The following DONSON variants were observed in gnomAD, a reference collection of about 807,000 sequenced individuals.
The protein encoded by DONSON is DNA replication fork stabilization factor DONSON.
DONSON carries 43 observed loss-of-function variants against 62.1 expected under a neutral mutation model. The observed-to-expected ratio is 0.69, with a 90% CI of 0.54 to 0.89. DONSON has a LOEUF of 0.89. Among genes scored for constraint, DONSON ranks in the 40% least tolerant of loss-of-function variants. The pLI is 0.00. For synonymous variants in DONSON, 266 were observed against 264.6 expected (o/e 1.01, Z -0.05); for missense variants, 696 against 697.5 (o/e 1.00, Z 0.03).
chr21:33,581,142 T>C lies in DONSON; in HGVS notation c.1350+160A>G, dbSNP rs1467783402. On this transcript the variant is annotated intron_variant, in intron 8 of 9. Coordinates refer to ENST00000303071, the MANE Select transcript of DONSON (RefSeq NM_017613.4). ...ATATTTCCACATAATTTCTTTGATA[T>C]AACTGTCTTATATAATTTTTGTTTC... 14 of 605,496 alleles carry C rather than the reference T, an allele frequency of 2.3e-5. 1 individual carries two copies. In the South Asian group the frequency reaches 3.2e-4, roughly 14 times the overall value. 37.5% of individuals were successfully genotyped at this position (605,496 alleles called of 1,614,324 possible). A position where few individuals can be genotyped will look rare whatever the true frequency, so the allele number is the denominator to read the frequency against.
At chr21:33,586,900 A>C (rs989212853) in intron 2 of DONSON, among the ~76,000 whole-genome samples, 1 of 152,124 alleles carries the variant, frequency 6.6e-6, no homozygotes, top group African/African-American at 2.4e-5. Flanking sequence ...TCAGCCTCTC[A>C]AAGTGTTGGG....
rs1212109442 is a variant in DONSON, at chr21:33,584,113, C to T, written c.786-447G>A. 1.2e-4 allele frequency among the ~76,000 whole-genome samples: 17 copies of T among 147,042 alleles called. No homozygotes were observed. The South Asian group carries it at 3.0e-3, about 26-fold the overall frequency. ...AGGCTGGAGTGCAGTGGCGCGATCT[C>T]GGCTCACTGCAAGCTCTGCCTCCCA... is the stretch of plus-strand genomic sequence containing the variant. On this transcript the variant is annotated intron_variant, in intron 4 of 9. Coordinates refer to ENST00000303071, the MANE Select transcript of DONSON (RefSeq NM_017613.4).
Position 33,586,858 on chromosome 21 carries a change from G to A in DONSON, c.402+664C>T, listed in dbSNP as rs572149780. 2.6e-5 allele frequency among the ~76,000 whole-genome samples: 4 copies of A among 151,930 alleles called. No homozygotes were observed. In the South Asian group the frequency reaches 6.2e-4, roughly 24 times the overall value. On this transcript the variant is annotated intron_variant, in intron 2 of 9. Coordinates refer to ENST00000303071, the MANE Select transcript of DONSON (RefSeq NM_017613.4). Reference sequence around the variant, plus strand: ...TCGTCATATTGGCCAGGCTGTTCGCGAACTCCTGACCTCAGGTGTGATCCG... The same window carrying A: ...TCGTCATATTGGCCAGGCTGTTCGCAAACTCCTGACCTCAGGTGTGATCCG...
Position 33,582,711 on chromosome 21 carries a change from C to T in DONSON, c.965-465G>A, listed in dbSNP as rs117955227. 7.2e-4 allele frequency among the ~76,000 whole-genome samples: 110 copies of T among 152,316 alleles called. 2 individuals carry two copies. In the East Asian group the frequency reaches 0.02, roughly 28 times the overall value. ...AGTTTAAATCAGGAGTCCCCAACCC[C>T]TGGACTGTGGACTGGTACTGGCCTG... On this transcript the variant is annotated intron_variant, in intron 5 of 9. Transcript: ENST00000303071.
intron 8 of DONSON, among the ~76,000 whole-genome samples, chr21:33,579,795 ATT>A: frequency 6.6e-6 from 1 of 152,264 alleles, no homozygotes; most frequent in East Asian, 1.9e-4. Context: ...AGAGAATACC[ATT>A]TTTTCATATA....
At position 33,578,156 on chromosome 21, in the gene DONSON, A is replaced by T; in HGVS notation, c.*151T>A. 2.5e-6 allele frequency: 2 copies of T among 785,014 alleles called. No individual in the cohort carries two copies. The highest frequency in any genetic ancestry group is 3.2e-5 in the Admixed American group (1 of 31,072). The allele number at this position is 785,014 out of a possible 1,614,324, so 48.6% of individuals were successfully genotyped here. A position where few individuals can be genotyped will look rare whatever the true frequency, so the allele number is the denominator to read the frequency against. On this transcript the variant is annotated 3_prime_UTR_variant, in exon 10 of 10. Coordinates refer to ENST00000303071, the MANE Select transcript of DONSON (RefSeq NM_017613.4). ...TTTATATCTAAAAATCTAATCTGAA[A>T]ATAGTAAAACACATTTAAAACCTTA... is the stretch of plus-strand genomic sequence containing the variant.
At chr21:33,579,312 C>T in intron 9 of DONSON, 38 bp downstream of exon 9, 1 of 1,440,768 alleles carries the variant, frequency 6.9e-7, no homozygotes, top group Non-Finnish European at 9.3e-7. Flanking sequence ...TTTGAGGAAA[C>T]TACAACTAAA....
At chr21:33,586,745 G>A (rs151195190) in intron 2 of DONSON, among the ~76,000 whole-genome samples, 38 of 151,854 alleles carry the variant, frequency 2.5e-4, no homozygotes, top group Non-Finnish European at 4.7e-4. Context: ...AGCGATTCTC[G>A]TGCCTCGTCC....
intron 7 of DONSON, 79 bp from the exon 8 acceptor site, chr21:33,581,579 T>C (rs1334599596): frequency 5.9e-5 from 69 of 1,165,762 alleles, no homozygotes; most frequent in Admixed American, 2.1e-5. Context: ...CTGAATCACC[T>C]GAGACTCCTT....
At position 33,584,819 on chromosome 21, in the gene DONSON, A is replaced by C. The variant is rs111603233; in HGVS notation, c.607-51T>G. On this transcript the variant is annotated intron_variant, in intron 3 of 9. Coordinates refer to ENST00000303071, the MANE Select transcript of DONSON (RefSeq NM_017613.4). ...AGTTTTTGCCCATTGAGAAATAGAG[A>C]ATTTTATTAAAGACAATCTTTACCA... 1,638 of 1,381,246 alleles carry C rather than the reference A, an allele frequency of 1.2e-3. 23 individuals are homozygous for C. In the African/African-American group the frequency reaches 0.021, roughly 18 times the overall value. 85.6% of individuals were successfully genotyped at this position (1,381,246 alleles called of 1,614,324 possible). A position where few individuals can be genotyped will look rare whatever the true frequency, so the allele number is the denominator to read the frequency against.
chr21:33,585,796 A>T (rs1244874037), intron 3 of DONSON, among the ~76,000 whole-genome samples, 182 bp downstream of exon 3: 4 of 144,076 alleles, frequency 2.8e-5, no homozygotes, highest in African/African-American at 7.5e-5. Flanking sequence ...AATCTGACTT[A>T]AAAAAAAAAA....
chr21:33,584,864 C>A (rs2086560341), intron 3 of DONSON, 96 bp from the exon 4 acceptor site: 2 of 1,007,990 alleles, frequency 2.0e-6, no homozygotes, highest in African/African-American at 1.6e-5. Flanking sequence ...GTCTAAGAAT[C>A]TTTATTGCTT....
chr21:33,581,395 CTTAGAG>C lies in DONSON; in HGVS notation c.1251_1256del (p.Asn417_Ser418del), dbSNP rs1135401961. 1.2e-5 allele frequency: 19 copies of C among 1,613,992 alleles called. No homozygotes were observed. The highest frequency in any genetic ancestry group is 2.2e-5 in the East Asian group (1 of 44,880). On this transcript the variant is annotated inframe_deletion, in exon 8 of 10. Coordinates refer to ENST00000303071, the MANE Select transcript of DONSON (RefSeq NM_017613.4). ...GTGGACCTGAGGTAGCAACTAAACT[CTTAGAG>C]TTAATCAAAAAATTGAGCAATGTAA...
chr21:33,583,200 C>CAAAA lies in DONSON; in HGVS notation c.964+284_964+287dup, dbSNP rs552034893. 1.3e-3 allele frequency among the ~76,000 whole-genome samples: 77 copies of CAAAA among 58,898 alleles called. 6 individuals are homozygous for CAAAA. Among genetic ancestry groups the CAAAA allele is most frequent in the South Asian group, 3.1e-3 (5 of 1,598 alleles). The allele number at this position is 58,898 out of a possible 152,430, so 38.6% of individuals were successfully genotyped here. ...TGGGTGACAGAGCGAGTCTCCATCT[C>CAAAA]AAAAAAAAAAAAAAAAAAAAAAAAA... On this transcript the variant is annotated intron_variant, in intron 5 of 9. Transcript: ENST00000303071.
intron 1 of DONSON, 116 bp downstream of exon 1, chr21:33,588,204 GA>G: frequency 1.1e-6 from 1 of 885,828 alleles, no homozygotes; most frequent in East Asian, 3.5e-5. Context: ...ACGGGCGGCC[GA>G]AGTCTTCGCG....
Position 33,581,303 on chromosome 21 carries a change from T to C in DONSON, c.1349A>G (p.Lys450Arg), listed in dbSNP as rs1437544261. Reference sequence around the variant, plus strand: ...CTAGGTTATGCAGACTTTTATTACCTTAAGCATTTGCATTGTGGCACCTCG... The same window carrying C: ...CTAGGTTATGCAGACTTTTATTACCCTAAGCATTTGCATTGTGGCACCTCG... ...AFRGATMQML[K>R]ARSVNVKTQA... Residue 450 changes from lysine (K) to arginine (R), a missense_variant and splice_region_variant, in exon 8 of 10, where the codon AAG becomes AGG. Transcript: ENST00000303071. 6.2e-7 allele frequency: 1 copy of C among 1,613,934 alleles called. No individual in the cohort carries two copies. Among genetic ancestry groups the C allele is most frequent in the Admixed American group, 1.7e-5 (1 of 59,992 alleles).
intron 8 of DONSON, among the ~76,000 whole-genome samples, chr21:33,580,244 A>AT (rs2086490241): frequency 1.4e-5 from 1 of 72,364 alleles, no homozygotes; most frequent in Non-Finnish European, 3.3e-5. Context: ...AGATAGATGA[A>AT]TGAATGAATG....
At chr21:33,581,280 A>C in intron 8 of DONSON, 22 bp downstream of exon 8, 1 of 1,607,244 alleles carries the variant, frequency 6.2e-7, no homozygotes, top group East Asian at 2.2e-5. Context: ...CTTAAAAGCT[A>C]GGTTATGCAG....
intron 8 of DONSON, among the ~76,000 whole-genome samples, chr21:33,580,348 G>A (rs1346868145): frequency 6.7e-6 from 1 of 148,246 alleles, no homozygotes; most frequent in Non-Finnish European, 1.5e-5. Context: ...GAGGTCAGGA[G>A]TTCGAGACCA....
Sources: gnomAD v4.1 joint callset for allele counts (sites outside exome capture counted in the v4.1 genomes callset) on GRCh38, gnomAD v4.1.1 for gene constraint, MANE v1.5 for transcripts, NCBI Gene and HGNC (gene_info 2026-07-23, HGNC 2026-07-21) for gene names.